Variants in LIMK2 observed in about 807,000 individuals in gnomAD.
The protein encoded by LIMK2 is LIM domain kinase 2.
In LIMK2, 35 loss-of-function variants were observed where a neutral mutation model predicts 75.7. The ratio of observed to expected loss-of-function variants is 0.46; its 90% CI spans 0.35 to 0.61. The LOEUF (loss-of-function observed/expected upper bound fraction) is 0.61, where lower values mean the gene tolerates loss of function less well. LIMK2 is among the 20% of genes least tolerant of loss of function. The pLI, the probability that LIMK2 is intolerant of heterozygous loss-of-function variation, is 0.00. For synonymous variants in LIMK2, 301 were observed against 319.2 expected (o/e 0.94, Z 0.61); for missense variants, 623 against 831.0 (o/e 0.75, Z 3.08).
chr22:31,222,898 A>G (rs935219294), intron 1 of LIMK2: 2 of 151,952 alleles, frequency 1.3e-5, no homozygotes, highest in Admixed American at 1.3e-4. Flanking sequence ...TTTAAAAGAT[A>G]AGGAGGAGCC....
intron 2 of LIMK2, among the ~76,000 whole-genome samples, chr22:31,254,746 G>T (rs1008529105): frequency 6.6e-6 from 1 of 152,164 alleles, no homozygotes; most frequent in South Asian, 2.1e-4. Context: ...ATCACTTGAG[G>T]TCGGGAGTTC....
At chr22:31,225,458 A>C (rs1290298550) in intron 1 of LIMK2, among the ~76,000 whole-genome samples, 1 of 152,250 alleles carries the variant, frequency 6.6e-6, no homozygotes, top group Non-Finnish European at 1.5e-5. Flanking sequence ...TCAGTAGAAA[A>C]AAGGATAATC....
chr22:31,276,474 C>G (rs1467941861), intron 15 of LIMK2, among the ~76,000 whole-genome samples: 4 of 139,456 alleles, frequency 2.9e-5, no homozygotes, highest in Non-Finnish European at 6.3e-5. Flanking sequence ...GCCCCGGCGG[C>G]GGCCGCAGGG....
chr22:31,273,044 C>T (rs2048975571), intron 13 of LIMK2: 1 of 1,120,698 alleles, frequency 8.9e-7, no homozygotes, highest in African/African-American at 1.6e-5. Flanking sequence ...ATGCTCAAAC[C>T]AACCAGAGAT....
chr22:31,215,689 C>T (rs2048383826), intron 1 of LIMK2, among the ~76,000 whole-genome samples: 1 of 152,102 alleles, frequency 6.6e-6, no homozygotes, highest in South Asian at 2.1e-4. Flanking sequence ...GAGAAACTTA[C>T]TGTCTAGTTA....
At chr22:31,219,584 T>G (rs1475330864) in intron 1 of LIMK2, among the ~76,000 whole-genome samples, 1 of 152,132 alleles carries the variant, frequency 6.6e-6, no homozygotes, top group African/African-American at 2.4e-5. Context: ...TTTATTTTAT[T>G]TTTTTGAGAC....
chr22:31,217,778 A>G (rs745903838), intron 1 of LIMK2, among the ~76,000 whole-genome samples: 4 of 152,238 alleles, frequency 2.6e-5, no homozygotes, highest in Non-Finnish European at 4.4e-5. Flanking sequence ...GGCCTGAAAG[A>G]CATAAGAACC....
At chr22:31,250,103 G>A (rs2048710420) in intron 2 of LIMK2, among the ~76,000 whole-genome samples, 1 of 152,096 alleles carries the variant, frequency 6.6e-6, no homozygotes, top group Non-Finnish European at 1.5e-5. Flanking sequence ...TCCTAGCAGA[G>A]AGTAAAAAAA....
At chr22:31,231,865 A>G (rs945286254) in intron 2 of LIMK2, among the ~76,000 whole-genome samples, 6 of 152,030 alleles carry the variant, frequency 3.9e-5, no homozygotes, top group Non-Finnish European at 8.8e-5. Context: ...TGTCCAGGCT[A>G]CAGTGCACTG....
At chr22:31,248,856 T>A in intron 2 of LIMK2, 1 of 1,406,360 alleles carries the variant, frequency 7.1e-7, no homozygotes, top group Non-Finnish European at 1.0e-6. Flanking sequence ...CCTTCTCACT[T>A]AGTCCTTTAC....
chr22:31,237,097 T>C, intron 2 of LIMK2, among the ~76,000 whole-genome samples: 1 of 144,314 alleles, frequency 6.9e-6, no homozygotes. Flanking sequence ...GCGTCTCTAC[T>C]AAAAATACAC....
At chr22:31,213,367 T>C (rs77669235) in intron 1 of LIMK2, among the ~76,000 whole-genome samples, 1 of 142,440 alleles carries the variant, frequency 7.0e-6, no homozygotes. Flanking sequence ...GTGGCCCACC[T>C]CTGGGTCCAC....
chr22:31,265,530 T>A lies in LIMK2; in HGVS notation c.855-416T>A, dbSNP rs568234300. On this transcript the variant is annotated intron_variant, in intron 7 of 15. Transcript: ENST00000331728. ...TCCAGCCTGGTTGACAGAGCGAGACTCTGTCTCAAAAAAAAAAAATCCCAT... is the reference window on the plus strand; with the variant it reads ...TCCAGCCTGGTTGACAGAGCGAGACACTGTCTCAAAAAAAAAAAATCCCAT... 2.1e-3 allele frequency among the ~76,000 whole-genome samples: 312 copies of A among 151,018 alleles called. 3 individuals are homozygous for A. The highest frequency in any genetic ancestry group is 7.3e-3 in the African/African-American group (302 of 41,194).
At chr22:31,257,380 CCTCT>C (rs1941940538) in intron 2 of LIMK2, among the ~76,000 whole-genome samples, 1 of 151,936 alleles carries the variant, frequency 6.6e-6, no homozygotes, top group Non-Finnish European at 1.5e-5. Context: ...TATCTCTCTC[CCTCT>C]ATCTGTATAC....
intron 2 of LIMK2, among the ~76,000 whole-genome samples, chr22:31,232,582 A>T (rs1032430686): frequency 1.3e-4 from 20 of 152,186 alleles, no homozygotes; most frequent in African/African-American, 4.1e-4. Context: ...GAGTTGGCAT[A>T]CTAGCCTGGC....
intron 2 of LIMK2, among the ~76,000 whole-genome samples, chr22:31,236,245 G>A (rs575072373): frequency 9.2e-4 from 136 of 147,698 alleles, no homozygotes; most frequent in Middle Eastern, 3.5e-3. Context: ...AGTGAGCCAG[G>A]ATTGCACCAC....
intron 11 of LIMK2, among the ~76,000 whole-genome samples, chr22:31,270,541 G>T (rs527251079): frequency 6.6e-6 from 1 of 152,304 alleles, no homozygotes; most frequent in Admixed American, 6.5e-5. Context: ...AGTTGCTCCT[G>T]AGAGTGGTAA....
intron 1 of LIMK2, among the ~76,000 whole-genome samples, chr22:31,220,408 G>T (rs1165740893): frequency 6.6e-6 from 1 of 152,156 alleles, no homozygotes. Flanking sequence ...CAAATTTTCA[G>T]TTGGGTTCAC....
In LIMK2 at chr22:31,279,668, T is replaced by C. The variant is rs1316346573; in HGVS notation, c.*1227T>C. ...AGGAACTCTTCATCACAACTAGATT[T>C]GCCTCTTCTAAGTGTCTATGAGCTT... On this transcript the variant is annotated 3_prime_UTR_variant, in exon 16 of 16. Coordinates refer to ENST00000331728, the MANE Select transcript of LIMK2 (RefSeq NM_005569.4). 1.3e-5 allele frequency: 2 copies of C among 152,244 alleles called. No individual in the cohort carries two copies. The highest frequency in any genetic ancestry group is 2.9e-5 in the Non-Finnish European group (2 of 68,036). 9.4% of individuals were successfully genotyped at this position (152,244 alleles called of 1,614,324 possible).
Sources: allele counts gnomAD v4.1 joint callset (sites outside exome capture counted in the v4.1 genomes callset), GRCh38; gene constraint gnomAD v4.1.1; transcripts MANE v1.5; gene names NCBI Gene and HGNC (gene_info 2026-07-23, HGNC 2026-07-21).